SLC35F4: variants seen among roughly 807,000 people sequenced by gnomAD.
SLC35F4 encodes solute carrier family 35 member F4.
A neutral mutation model predicts 44.2 loss-of-function variants in SLC35F4; 24 were observed. The ratio of observed to expected loss-of-function variants is 0.54; its 90% CI spans 0.39 to 0.76. SLC35F4 has a LOEUF of 0.76. Ranked by LOEUF, SLC35F4 falls within the 30% of genes least tolerant of loss-of-function variation. The pLI is 0.00. For missense variants in SLC35F4, 562 were observed against 586.1 expected (o/e 0.96, Z 0.42); for synonymous variants, 238 against 223.6 (o/e 1.06, Z -0.57).
intron 1 of SLC35F4, among the ~76,000 whole-genome samples, chr14:57,760,728 A>T (rs1228405507): frequency 6.6e-6 from 1 of 152,194 alleles, no homozygotes; most frequent in African/African-American, 2.4e-5. Flanking sequence ...CCTAATGAAT[A>T]TTCTCCCAAT....
At chr14:57,718,097 A>G (rs1345934169) in intron 1 of SLC35F4, among the ~76,000 whole-genome samples, 2 of 152,208 alleles carry the variant, frequency 1.3e-5, no homozygotes, top group Non-Finnish European at 2.9e-5. Context: ...TGATTGCTGG[A>G]TTACACAAAT....
At chr14:57,785,220 T>C (rs2077725528) in intron 1 of SLC35F4, among the ~76,000 whole-genome samples, 1 of 152,184 alleles carries the variant, frequency 6.6e-6, no homozygotes, top group Admixed American at 6.5e-5. Flanking sequence ...TTATACTACA[T>C]GAAATATCTC....
chr14:57,885,413 T>C (rs1281234139), intron 1 of SLC35F4, among the ~76,000 whole-genome samples: 3 of 152,298 alleles, frequency 2.0e-5, no homozygotes, highest in Middle Eastern at 6.8e-3. Flanking sequence ...AATATTATTG[T>C]TGATGTTTGA....
chr14:57,947,192 T>C (rs1306197052), intron 1 of SLC35F4, among the ~76,000 whole-genome samples: 1 of 152,124 alleles, frequency 6.6e-6, no homozygotes, highest in African/African-American at 2.4e-5. Flanking sequence ...TAGAGATCTT[T>C]CATCTCCTTG....
In SLC35F4 at chr14:57,948,645, G is replaced by C. The variant is rs560061575; in HGVS notation, n.282+33268C>G. On this transcript the variant is annotated intron_variant and non_coding_transcript_variant, in intron 1 of 1. Transcript: ENST00000556568. Reference sequence around the variant, plus strand: ...ACCTTAGATTGTCTATTTTTGCTCTGTCAGACTTTTTGATGTAGGCCTTTA... The same window carrying C: ...ACCTTAGATTGTCTATTTTTGCTCTCTCAGACTTTTTGATGTAGGCCTTTA... 1.1e-4 allele frequency among the ~76,000 whole-genome samples: 17 copies of C among 150,944 alleles called. No individual in the cohort carries two copies. In the South Asian group the frequency reaches 3.1e-3, roughly 28 times the overall value.
intron 1 of SLC35F4, among the ~76,000 whole-genome samples, chr14:57,700,928 A>T (rs2075522646): frequency 6.6e-6 from 1 of 152,084 alleles, no homozygotes; most frequent in South Asian, 2.1e-4. Flanking sequence ...AAGCCCCCCA[A>T]AAACAACAAA....
intron 1 of SLC35F4, among the ~76,000 whole-genome samples, chr14:57,854,439 A>G (rs1566906820): frequency 6.6e-6 from 1 of 152,248 alleles, no homozygotes; most frequent in African/African-American, 2.4e-5. Flanking sequence ...GTGGCTACAT[A>G]CATAGCTAAA....
chr14:57,692,516 G>A (rs747106544), intron 1 of SLC35F4, among the ~76,000 whole-genome samples: 5 of 151,966 alleles, frequency 3.3e-5, no homozygotes, highest in African/African-American at 9.7e-5. Flanking sequence ...TTAATCTGAC[G>A]AAGTTCCCTG....
chr14:57,585,343 A>G (rs1336730376), intron 3 of SLC35F4, among the ~76,000 whole-genome samples: 1 of 152,148 alleles, frequency 6.6e-6, no homozygotes, highest in Non-Finnish European at 1.5e-5. Flanking sequence ...TATCTATCTC[A>G]AAATAATAAG....
intron 1 of SLC35F4, among the ~76,000 whole-genome samples, chr14:57,642,286 C>A (rs998469763): frequency 1.3e-5 from 2 of 151,108 alleles, no homozygotes; most frequent in African/African-American, 4.9e-5. Flanking sequence ...CATTGAAGAC[C>A]GAGAGCTAGT....
chr14:57,946,558 TC>T (rs1316213689), intron 1 of SLC35F4, among the ~76,000 whole-genome samples: 7 of 139,462 alleles, frequency 5.0e-5, no homozygotes, highest in South Asian at 2.6e-4. Context: ...CACTGCAACC[TC>T]TGCCTCTCAG....
At chr14:57,767,942 C>A (rs2077272958) in intron 1 of SLC35F4, among the ~76,000 whole-genome samples, 1 of 152,130 alleles carries the variant, frequency 6.6e-6, no homozygotes, top group Admixed American at 6.5e-5. Context: ...AAAACTTTTA[C>A]AACTCTATCA....
chr14:57,772,034 T>C (rs566953727), intron 1 of SLC35F4, among the ~76,000 whole-genome samples: 180 of 152,348 alleles, frequency 1.2e-3, no homozygotes, highest in African/African-American at 4.0e-3. Flanking sequence ...TCCTTACTTA[T>C]CCCTGTGTCT....
At chr14:57,765,913 T>C (rs1442820699) in intron 1 of SLC35F4, among the ~76,000 whole-genome samples, 1 of 152,204 alleles carries the variant, frequency 6.6e-6, no homozygotes, top group Non-Finnish European at 1.5e-5. Flanking sequence ...CTTTCAGCAA[T>C]GGTAAGTGCT....
chr14:57,786,475 G>A (rs530651266), intron 1 of SLC35F4, among the ~76,000 whole-genome samples: 2 of 152,260 alleles, frequency 1.3e-5, no homozygotes, highest in East Asian at 3.9e-4. Context: ...CAAAAACCGA[G>A]CATTAAACCA....
chr14:57,631,582 T>C (rs368839974), intron 1 of SLC35F4, among the ~76,000 whole-genome samples: 3 of 152,076 alleles, frequency 2.0e-5, no homozygotes, highest in South Asian at 4.1e-4. Flanking sequence ...AGGTTTGCTT[T>C]TCAGGCCTCA....
chr14:57,668,755 A>AGGT (rs1281866878), intron 1 of SLC35F4, among the ~76,000 whole-genome samples: 1 of 152,102 alleles, frequency 6.6e-6, no homozygotes, highest in Non-Finnish European at 1.5e-5. Flanking sequence ...GTTTGAAGTC[A>AGGT]GGTAGCATGA....
In SLC35F4 at chr14:57,924,384, T is replaced by A. The variant is rs541648089; in HGVS notation, n.282+57529A>T. Among the ~76,000 whole-genome samples, 83 of 151,972 alleles carry A rather than the reference T, an allele frequency of 5.5e-4. 1 individual carries two copies. The highest frequency in any genetic ancestry group is 1.9e-3 in the African/African-American group (80 of 41,468). ...GGGAGCCCTGTGTACAGAGATAACA[T>A]GCAAAAGAGAGAGAGAAAAGGGTGA... is the stretch of plus-strand genomic sequence containing the variant. On this transcript the variant is annotated intron_variant and non_coding_transcript_variant, in intron 1 of 1. Transcript: ENST00000556568.
At chr14:57,828,874 C>A (rs1352075390) in intron 1 of SLC35F4, among the ~76,000 whole-genome samples, 32 of 152,298 alleles carry the variant, frequency 2.1e-4, no homozygotes, top group Admixed American at 1.8e-3. Context: ...TATTATGCAA[C>A]AACAATAATA....
Sources: allele counts gnomAD v4.1 joint callset (sites outside exome capture counted in the v4.1 genomes callset), GRCh38; gene constraint gnomAD v4.1.1; transcripts MANE v1.5; gene names NCBI Gene and HGNC (gene_info 2026-07-23, HGNC 2026-07-21).